Variants in CDH3 observed in about 807,000 individuals in gnomAD.
CDH3 encodes cadherin-3.
In CDH3, 54 loss-of-function variants were observed where a neutral mutation model predicts 82.0. The observed-to-expected ratio is 0.66, with a 90% CI of 0.53 to 0.83. The LOEUF is 0.83. Among genes scored for constraint, CDH3 ranks in the 40% least tolerant of loss-of-function variants. The pLI, the probability that CDH3 is intolerant of heterozygous loss-of-function variation, is 0.00. For missense variants in CDH3, 1,054 were observed against 1,084.6 expected (o/e 0.97, Z 0.40); for synonymous variants, 446 against 437.9 (o/e 1.02, Z -0.23).
At chr16:68,657,343 G>C (rs1055023289) in intron 2 of CDH3, among the ~76,000 whole-genome samples, 9 of 152,052 alleles carry the variant, frequency 5.9e-5, no homozygotes, top group South Asian at 2.1e-4. Context: ...GTGAAACCCT[G>C]TCTCTACTAA....
intron 2 of CDH3, among the ~76,000 whole-genome samples, chr16:68,725,427 G>C (rs1962209178): frequency 6.6e-6 from 1 of 151,836 alleles, no homozygotes; most frequent in African/African-American, 2.4e-5. Context: ...TCTGCCTCCA[G>C]GGTTCACGCC....
chr16:68,686,772 T>C (rs1245507363), intron 11 of CDH3: 2 of 607,038 alleles, frequency 3.3e-6, no homozygotes, highest in African/African-American at 1.8e-5. Flanking sequence ...ATAATTTCCA[T>C]ATTTCTCTCT....
At chr16:68,702,336 A>C (rs532839608), downstream of CDH3, among the ~76,000 whole-genome samples, 4 of 152,234 alleles carry the variant, frequency 2.6e-5, no homozygotes, top group South Asian at 8.3e-4. Flanking sequence ...ACAATGTCAA[A>C]CAACTTGCAG....
intron 7 of CDH3, among the ~76,000 whole-genome samples, chr16:68,680,735 G>T (rs1012639091): frequency 1.3e-5 from 2 of 152,140 alleles, no homozygotes; most frequent in African/African-American, 2.4e-5. Flanking sequence ...CGATGCCAAG[G>T]CTTCCCTAGG....
chr16:68,673,436 C>G (rs143745223), intron 2 of CDH3, among the ~76,000 whole-genome samples: 370 of 151,782 alleles, frequency 2.4e-3, no homozygotes, highest in Middle Eastern at 6.8e-3. Flanking sequence ...GTAGTAGTTC[C>G]CCTCCCCTCT....
At chr16:68,668,536 C>A (rs1408345527) in intron 2 of CDH3, among the ~76,000 whole-genome samples, 1 of 152,186 alleles carries the variant, frequency 6.6e-6, no homozygotes, top group East Asian at 1.9e-4. Flanking sequence ...GAGAAGACTA[C>A]TCATGTTCCT....
rs527239387 is a variant in CDH3, at chr16:68,697,958, C to T, written c.2281-233C>T. ...CTAGTGTGTGGTGTGAGTTCTGGCCCGGGCTGTCTGATTTCAGTCCTTGCC... is the reference window on the plus strand; with the variant it reads ...CTAGTGTGTGGTGTGAGTTCTGGCCTGGGCTGTCTGATTTCAGTCCTTGCC... On this transcript the variant is annotated intron_variant, in intron 15 of 15. Coordinates refer to ENST00000264012, the MANE Select transcript of CDH3 (RefSeq NM_001793.6). 36 of 619,528 alleles carry T rather than the reference C, an allele frequency of 5.8e-5. 1 individual carries two copies. The highest frequency in any genetic ancestry group is 5.1e-4 in the South Asian group (27 of 53,012). The allele number at this position is 619,528 out of a possible 1,614,324, so 38.4% of individuals were successfully genotyped here.
chr16:68,647,934 T>G (rs1182322764), intron 2 of CDH3, among the ~76,000 whole-genome samples: 1 of 152,210 alleles, frequency 6.6e-6, no homozygotes, highest in African/African-American at 2.4e-5. Context: ...GCCCCTGGGT[T>G]ATGAATATCA....
In CDH3 at chr16:68,686,691, A is replaced by C. The variant is rs117181278; in HGVS notation, c.1571-821A>C. ...CTTGGAAAGTACGTAGACTGAAATA[A>C]GTCACTATTGGAATGGCATCAACGT... On this transcript the variant is annotated intron_variant, in intron 11 of 15. Transcript: ENST00000264012. The C allele has an allele frequency of 6.8e-3, 5,234 of 769,820 alleles. 38 individuals carry two copies. Among genetic ancestry groups the C allele is most frequent in the Non-Finnish European group, 8.7e-3 (3,680 of 424,780 alleles). 47.7% of individuals were successfully genotyped at this position (769,820 alleles called of 1,614,324 possible). A position where few individuals can be genotyped will look rare whatever the true frequency, so the allele number is the denominator to read the frequency against.
chr16:68,666,057 C>T (rs1960725843), intron 2 of CDH3, among the ~76,000 whole-genome samples: 1 of 152,086 alleles, frequency 6.6e-6, no homozygotes, highest in Non-Finnish European at 1.5e-5. Context: ...CCCAATCTTT[C>T]CACCTGAGTC....
At position 68,678,596 on chromosome 16, in the gene CDH3, G is replaced by C; in HGVS notation, c.486G>C (p.Lys162Asn). ...SPPEGVFAVE[K>N]ETGWLLLNKP... ...CTGAGGGTGTCTTCGCTGTAGAGAAGGAGACAGGCTGGTTGTTGTTGAATA... is the reference window on the plus strand; with the variant it reads ...CTGAGGGTGTCTTCGCTGTAGAGAACGAGACAGGCTGGTTGTTGTTGAATA... Residue 162 changes from lysine to asparagine, a missense_variant, in exon 5 of 16, where the codon AAG becomes AAC. Transcript: ENST00000264012. 2 of 1,614,236 alleles carry C rather than the reference G, an allele frequency of 1.2e-6. No homozygotes were observed. Among genetic ancestry groups the C allele is most frequent in the Non-Finnish European group, 8.5e-7 (1 of 1,180,040 alleles).
chr16:68,682,518 A>G (rs956417538), intron 9 of CDH3, 31 bp downstream of exon 9: 6 of 1,606,342 alleles, frequency 3.7e-6, no homozygotes, highest in Middle Eastern at 1.7e-4. Context: ...GACAATGGCT[A>G]TACCTGGGGC....
intron 1 of CDH3, among the ~76,000 whole-genome samples, chr16:68,713,392 C>CT (rs1451322799): frequency 6.6e-6 from 1 of 151,978 alleles, no homozygotes; most frequent in Non-Finnish European, 1.5e-5. Flanking sequence ...GGATTTTAGA[C>CT]ATCCCGACCC....
intron 2 of CDH3, among the ~76,000 whole-genome samples, chr16:68,660,836 G>T (rs1960548925): frequency 6.6e-6 from 1 of 152,124 alleles, no homozygotes; most frequent in Non-Finnish European, 1.5e-5. Context: ...GCAGGCGCCT[G>T]TAGTCCCAGC....
At chr16:68,648,514 C>G (rs893264772) in intron 2 of CDH3, among the ~76,000 whole-genome samples, 11 of 151,518 alleles carry the variant, frequency 7.3e-5, no homozygotes, top group Non-Finnish European at 1.6e-4. Flanking sequence ...TGCAGTGATG[C>G]AATCACGGTT....
intron 2 of CDH3, among the ~76,000 whole-genome samples, chr16:68,673,160 A>G (rs1377019810): frequency 6.6e-6 from 1 of 152,218 alleles, no homozygotes. Context: ...GGGTCTGTAC[A>G]TCACAGTGGA....
rs1886697 is a variant in CDH3 at position 68,682,276 on chromosome 16, T to C, written c.997-26T>C. On this transcript the variant is annotated intron_variant, in intron 8 of 15. Transcript: ENST00000264012. ...GTAGGACAGTCATTCTCTGCTCTGA[T>C]AGTGCTGTGCTTCTCACACTGACAG... The C allele has an allele frequency of 0.61, 978,312 of 1,607,696 alleles. 298,968 individuals carry two copies. Among genetic ancestry groups the C allele is most frequent in the African/African-American group, 0.65 (48,746 of 74,852 alleles).
At chr16:68,647,542 G>T (rs1378921730) in intron 2 of CDH3, among the ~76,000 whole-genome samples, 1 of 152,092 alleles carries the variant, frequency 6.6e-6, no homozygotes, top group Non-Finnish European at 1.5e-5. Context: ...TTTGCGCCAG[G>T]AGCACACCTG....
intron 1 of CDH3, among the ~76,000 whole-genome samples, chr16:68,706,028 G>A (rs1008359554): frequency 4.2e-5 from 6 of 142,732 alleles, no homozygotes; most frequent in African/African-American, 1.6e-4. Flanking sequence ...TCATGCCACT[G>A]CACTCCAGCC....
Sources: gnomAD v4.1 joint callset for allele counts (sites outside exome capture counted in the v4.1 genomes callset) on GRCh38, gnomAD v4.1.1 for gene constraint, MANE v1.5 for transcripts, NCBI Gene and HGNC (gene_info 2026-07-23, HGNC 2026-07-21) for gene names.